Variants in KIDINS220 observed in about 807,000 individuals in gnomAD.
The protein encoded by KIDINS220 is kinase D-interacting substrate of 220 kDa.
A neutral mutation model predicts 157.6 loss-of-function variants in KIDINS220; 63 were observed. The ratio of observed to expected loss-of-function variants is 0.40; its 90% CI spans 0.33 to 0.49. The LOEUF (loss-of-function observed/expected upper bound fraction) is 0.49, where lower values mean the gene tolerates loss of function less well. Among genes scored for constraint, KIDINS220 ranks in the 20% least tolerant of loss-of-function variants. KIDINS220 has a pLI of 0.66. For synonymous variants in KIDINS220, 732 were observed against 783.6 expected (o/e 0.93, Z 1.10); for missense variants, 1,772 against 2,171.2 (o/e 0.82, Z 3.65).
chr2:8,785,248 G>A (rs529273246), intron 17 of KIDINS220, among the ~76,000 whole-genome samples: 1 of 152,330 alleles, frequency 6.6e-6, no homozygotes, highest in South Asian at 2.1e-4. Context: ...GGTTAGGGAG[G>A]AGGGTGGAGG....
At chr2:8,811,796 A>G (rs1390891662) in intron 6 of KIDINS220, among the ~76,000 whole-genome samples, 1 of 152,152 alleles carries the variant, frequency 6.6e-6, no homozygotes, top group African/African-American at 2.4e-5. Context: ...AGAATAGCAC[A>G]TCATTCTGGG....
At chr2:8,789,701 C>A (rs972635521) in intron 14 of KIDINS220, among the ~76,000 whole-genome samples, 179 bp downstream of exon 14, 2 of 152,156 alleles carry the variant, frequency 1.3e-5, no homozygotes, top group Non-Finnish European at 2.9e-5. Context: ...CTACTTCAGC[C>A]AAGTTGTGAG....
chr2:8,734,007 C>T (rs998316148), intron 28 of KIDINS220, among the ~76,000 whole-genome samples: 8 of 152,098 alleles, frequency 5.3e-5, no homozygotes, highest in African/African-American at 1.2e-4. Context: ...AGGAGTAGGG[C>T]GGTAGGTCCA....
At chr2:8,774,692 T>C (rs972353440) in intron 21 of KIDINS220, among the ~76,000 whole-genome samples, 31 of 151,838 alleles carry the variant, frequency 2.0e-4, no homozygotes, top group African/African-American at 7.5e-4. Context: ...AAGAAGTCAG[T>C]AAGGGATGGA....
intron 22 of KIDINS220, among the ~76,000 whole-genome samples, chr2:8,763,781 A>G (rs944998003): frequency 9.9e-5 from 15 of 152,206 alleles, no homozygotes; most frequent in African/African-American, 3.6e-4. Flanking sequence ...GTCAATCCAA[A>G]GCAACTCCAC....
chr2:8,829,145 G>A lies in KIDINS220; in HGVS notation c.-36-2016C>T, dbSNP rs568600972. Reference sequence around the variant, plus strand: ...AAACTGCAGGGGCAGAAAACAGATCGGGGCTGCCAGGGTCTAAGGCAGGGG... The same window carrying A: ...AAACTGCAGGGGCAGAAAACAGATCAGGGCTGCCAGGGTCTAAGGCAGGGG... On this transcript the variant is annotated intron_variant, in intron 1 of 29. Transcript: ENST00000256707. Among the ~76,000 whole-genome samples, 8 of 152,308 alleles carry A rather than the reference G, an allele frequency of 5.3e-5. 1 individual carries two copies. In the South Asian group the frequency reaches 1.0e-3, roughly 20 times the overall value.
rs866598023 is a variant in KIDINS220, at chr2:8,811,296, A to G, written c.504+1099T>C. Among the ~76,000 whole-genome samples, 23 of 50,772 alleles carry G rather than the reference A, an allele frequency of 4.5e-4. No individual in the cohort carries two copies. In the South Asian group the frequency reaches 8.4e-3, roughly 19 times the overall value. The allele number at this position is 50,772 out of a possible 152,430, so 33.3% of individuals were successfully genotyped here. ...GGAAATAATGGAGGTACAAAATGGGAAAAAAAAAAAAAAAGAGCAGTCCTT... is the reference window on the plus strand; with the variant it reads ...GGAAATAATGGAGGTACAAAATGGGGAAAAAAAAAAAAAAGAGCAGTCCTT... On this transcript the variant is annotated intron_variant, in intron 6 of 29. Coordinates refer to ENST00000256707, the MANE Select transcript of KIDINS220 (RefSeq NM_020738.4).
At position 8,813,354 on chromosome 2, in the gene KIDINS220, G is replaced by T; in HGVS notation, c.307-19C>A. 6.5e-7 allele frequency: 1 copy of T among 1,535,210 alleles called. No homozygotes were observed. Among genetic ancestry groups the T allele is most frequent in the Non-Finnish European group, 8.9e-7 (1 of 1,124,848 alleles). ...ATCCTCCCTAAACAAAAAATGTAGG[G>T]GTAAGGGAATCAAACTTTAAATCAT... is the stretch of plus-strand genomic sequence containing the variant. On this transcript the variant is annotated intron_variant, in intron 4 of 29. Transcript: ENST00000256707.
At chr2:8,726,891 G>C, downstream of KIDINS220, 1 of 1,287,902 alleles carries the variant, frequency 7.8e-7, no homozygotes, top group Non-Finnish European at 1.0e-6. Flanking sequence ...ACATACCTTA[G>C]TTTAATCTGG....
intron 2 of KIDINS220, among the ~76,000 whole-genome samples, chr2:8,821,918 T>G (rs1234159913): frequency 6.6e-6 from 1 of 152,218 alleles, no homozygotes; most frequent in African/African-American, 2.4e-5. Context: ...TTTTTCTACT[T>G]GAAAATGTAT....
intron 22 of KIDINS220, among the ~76,000 whole-genome samples, chr2:8,754,226 T>C (rs2148068229): frequency 6.6e-6 from 1 of 152,332 alleles, no homozygotes; most frequent in East Asian, 1.9e-4. Flanking sequence ...GTGTTCTCAG[T>C]ATGATGAACA....
Position 8,776,814 on chromosome 2 carries a change from C to T in KIDINS220, c.2782G>A (p.Glu928Lys), listed in dbSNP as rs1180138428. 3 of 1,613,980 alleles carry T rather than the reference C, an allele frequency of 1.9e-6. No homozygotes were observed. The highest frequency in any genetic ancestry group is 2.5e-6 in the Non-Finnish European group (3 of 1,179,940). Reference protein sequence around the residue: ...SFDLTKLLVTEDWFSDISPQT... With the variant: ...SFDLTKLLVTKDWFSDISPQT... ...GGACTGATGTCACTGAACCAGTCCT[C>T]GGTAACCAGCAGTTTTGTAAGATCA... The change falls in exon 21 of 30, where the codon GAG (glutamate) becomes AAG (lysine). Residue 928 changes from glutamate (E) to lysine (K), a missense_variant. Glu to Lys is a moderately conservative substitution (Grantham distance 56). Around this residue, in one of 3 missense-constraint regions of KIDINS220, gnomAD observed 725 missense variants for 1,017.1 expected, o/e 0.71. Transcript: ENST00000256707.
In KIDINS220 at chr2:8,751,582, A is replaced by G. The variant is rs1227800786; in HGVS notation, c.3074T>C (p.Ile1025Thr). Reference sequence around the variant, plus strand: ...AGACAAAAACACTTCAAAATTTCTTATATCTCCATCAATTTCAAGAAGTGG... The same window carrying G: ...AGACAAAAACACTTCAAAATTTCTTGTATCTCCATCAATTTCAAGAAGTGG... ...VEPLLEIDGD[I>T]RNFEVFLSSR... The change falls in exon 23 of 30, where the codon ATA becomes ACA. Residue 1025 changes from isoleucine to threonine, a missense_variant. This residue lies in a region of KIDINS220 where 725 missense variants were observed against 1,017.1 expected (regional missense o/e 0.71). Coordinates refer to ENST00000256707, the MANE Select transcript of KIDINS220 (RefSeq NM_020738.4). 2.5e-6 allele frequency: 4 copies of G among 1,612,226 alleles called. No individual in the cohort carries two copies. The South Asian group carries it at 4.4e-5, about 18-fold the overall frequency.
At chr2:8,797,055 T>C (rs929897015) in intron 10 of KIDINS220, among the ~76,000 whole-genome samples, 186 bp from the exon 11 acceptor site, 5 of 152,190 alleles carry the variant, frequency 3.3e-5, no homozygotes, top group African/African-American at 1.2e-4. Flanking sequence ...TGTATCAAAG[T>C]GACTGTAAAT....
At chr2:8,747,230 T>C (rs562939354) in intron 25 of KIDINS220, 29 bp from the exon 26 acceptor site, 2 of 1,608,896 alleles carry the variant, frequency 1.2e-6, no homozygotes, top group East Asian at 4.5e-5. Context: ...AGAGTGTGGG[T>C]GAAAAGGGGA....
At chr2:8,737,164 T>C in intron 26 of KIDINS220, 165 bp from the exon 27 acceptor site, 1 of 684,346 alleles carries the variant, frequency 1.5e-6, no homozygotes, top group Non-Finnish European at 2.4e-6. Flanking sequence ...CAGATTTAGT[T>C]ACTGTTATAA....
chr2:8,757,366 T>TTA (rs1668140555), intron 22 of KIDINS220: 1 of 1,063,812 alleles, frequency 9.4e-7, no homozygotes, highest in Non-Finnish European at 1.1e-6. Flanking sequence ...TATCTATTTT[T>TTA]TATATTTATT....
Position 8,836,155 on chromosome 2 carries a change from G to A in KIDINS220, c.-37+1325C>T, listed in dbSNP as rs1011481348. Among the ~76,000 whole-genome samples, 5 of 152,194 alleles carry A rather than the reference G, an allele frequency of 3.3e-5. No individual in the cohort carries two copies. The East Asian group carries it at 9.6e-4, about 29-fold the overall frequency. ...TGGTTGGAAAAGAAAACAGGTGGAAGATGACCAGATGCCCAGCATAGGTGA... is the reference window on the plus strand; with the variant it reads ...TGGTTGGAAAAGAAAACAGGTGGAAAATGACCAGATGCCCAGCATAGGTGA... On this transcript the variant is annotated intron_variant, in intron 1 of 29. Coordinates refer to ENST00000256707, the MANE Select transcript of KIDINS220 (RefSeq NM_020738.4).
intron 1 of KIDINS220, among the ~76,000 whole-genome samples, chr2:8,832,459 C>T (rs1679787117): frequency 6.6e-6 from 1 of 152,128 alleles, no homozygotes; most frequent in Non-Finnish European, 1.5e-5. Flanking sequence ...TTTAAGAGCA[C>T]GTGTGTAGTA....
Sources: allele counts gnomAD v4.1 joint callset (sites outside exome capture counted in the v4.1 genomes callset), GRCh38; gene constraint gnomAD v4.1.1; regional missense constraint gnomAD v4.1.1; transcripts MANE v1.5; gene names NCBI Gene and HGNC (gene_info 2026-07-23, HGNC 2026-07-21).